The following MMAB variants were observed in gnomAD, a reference collection of about 807,000 sequenced individuals.
The protein encoded by MMAB is metabolism of cobalamin associated B.
In MMAB, 17 loss-of-function variants were observed where a neutral mutation model predicts 30.6. The ratio of observed to expected loss-of-function variants is 0.56; its 90% CI spans 0.38 to 0.83. The LOEUF (loss-of-function observed/expected upper bound fraction) is 0.83. MMAB is among the 40% of genes least tolerant of loss of function. The pLI is 0.00. For synonymous variants in MMAB, 134 were observed against 138.6 expected, an observed-to-expected ratio of 0.97 and a Z score of 0.23; for missense variants, 311 against 331.6, an observed-to-expected ratio of 0.94 and a Z score of 0.48.
intron 1 of MMAB, among the ~76,000 whole-genome samples, chr12:109,572,706 C>T (rs557215466): frequency 2.0e-5 from 3 of 152,266 alleles, no homozygotes; most frequent in Non-Finnish European, 4.4e-5. Context: ...TAACTCTATC[C>T]TACCCAAATT....
rs372445888 is a variant in MMAB at position 109,556,990 on chromosome 12, C to A, written c.*38G>T. On this transcript the variant is annotated 3_prime_UTR_variant, in exon 9 of 9. Transcript: ENST00000545712. Reference sequence around the variant, plus strand: ...CAAGCTCCTCTCTCCACGGCCATCGCCATGGAGGGATCCTCCAAGCTCCCA... The same window carrying A: ...CAAGCTCCTCTCTCCACGGCCATCGACATGGAGGGATCCTCCAAGCTCCCA... The A allele has an allele frequency of 2.4e-5, 34 of 1,404,292 alleles. No homozygotes were observed. In the African/African-American group the frequency reaches 3.4e-4, roughly 14 times the overall value. The allele number at this position is 1,404,292 out of a possible 1,614,324, so 87.0% of individuals were successfully genotyped here.
Position 109,553,839 on chromosome 12 carries a change from G to C in MMAB, c.*3189C>G. 4.4e-6 allele frequency: 2 copies of C among 453,788 alleles called. No homozygotes were observed. Among genetic ancestry groups the C allele is most frequent in the Non-Finnish European group, 4.4e-6 (1 of 226,472 alleles). The allele number at this position is 453,788 out of a possible 1,614,324, so 28.1% of individuals were successfully genotyped here. ...ACAGGGCGATCATAAAACTGAATGG[G>C]CTGTCGGAAGGTGTCGAGGCAGCAG... On this transcript the variant is annotated 3_prime_UTR_variant, in exon 9 of 9. Coordinates refer to ENST00000545712, the MANE Select transcript of MMAB (RefSeq NM_052845.4).
At chr12:109,568,127 A>G (rs113942245) in intron 3 of MMAB, 1,610 of 156,126 alleles carry the variant, frequency 0.01, 21 homozygotes, top group African/African-American at 0.032. Context: ...TGGCAGCGTC[A>G]GGAGCCAATG....
Position 109,554,574 on chromosome 12 carries a change from C to T in MMAB, c.*2454G>A, listed in dbSNP as rs1348407599. ...TGTTTGTTTCAAAACCCCGTGTTCC[C>T]GTGCAATGGGACTGATTGTTTCTGA... On this transcript the variant is annotated 3_prime_UTR_variant, in exon 9 of 9. Coordinates refer to ENST00000545712, the MANE Select transcript of MMAB (RefSeq NM_052845.4). The T allele has an allele frequency of 2.2e-5, 10 of 454,006 alleles. No individual in the cohort carries two copies. The highest frequency in any genetic ancestry group is 1.4e-4 in the East Asian group (2 of 14,412). The allele number at this position is 454,006 out of a possible 1,614,324, so 28.1% of individuals were successfully genotyped here. A position where few individuals can be genotyped will look rare whatever the true frequency, so the allele number is the denominator to read the frequency against.
In MMAB at chr12:109,571,673, T is replaced by C. The variant is rs1884631526; in HGVS notation, c.172A>G (p.Ile58Val). 1.2e-6 allele frequency: 2 copies of C among 1,614,054 alleles called. No individual in the cohort carries two copies. Among genetic ancestry groups the C allele is most frequent in the African/African-American group, 1.3e-5 (1 of 74,940 alleles). ...CCTTTGTCTCCCGTTTTGGTGTAAATCTTGGGGATCCTGGGTGTCTTCGAG... is the reference window on the plus strand; with the variant it reads ...CCTTTGTCTCCCGTTTTGGTGTAAACCTTGGGGATCCTGGGTGTCTTCGAG... ...PSSKTPRIPK[I>V]YTKTGDKGFS... Residue 58 changes from isoleucine to valine, a missense_variant, in exon 2 of 9, where the codon ATT becomes GTT. Coordinates refer to ENST00000545712, the MANE Select transcript of MMAB (RefSeq NM_052845.4).
In MMAB at chr12:109,556,048, T is replaced by A; in HGVS notation, c.*980A>T. ...TAGCAGCCTGCAGTCTTTAGGTTCT[T>A]GGGGCTGCCTCTTCTGCCCTTCATA... is the stretch of plus-strand genomic sequence containing the variant. On this transcript the variant is annotated 3_prime_UTR_variant, in exon 9 of 9. Transcript: ENST00000545712. 2.2e-6 allele frequency: 1 copy of A among 454,076 alleles called. No individual in the cohort carries two copies. Among genetic ancestry groups the A allele is most frequent in the Non-Finnish European group, 4.4e-6 (1 of 226,774 alleles). 28.1% of individuals were successfully genotyped at this position (454,076 alleles called of 1,614,324 possible).
At position 109,557,052 on chromosome 12, in the gene MMAB, T is replaced by C. The variant is rs750028609; in HGVS notation, c.729A>G (p.Pro243=). 8 of 1,612,304 alleles carry C rather than the reference T, an allele frequency of 5.0e-6. No homozygotes were observed. In the African/African-American group the frequency reaches 6.7e-5, roughly 13 times the overall value. ...TTCAGAGTCCCTCAGACTCGGCCGA[T>C]GGGTCATTTTTCATGTATATTTTCT... ...NQEKIYMKND[P]SAESEGL Residue 243 remains proline, a synonymous_variant, in exon 9 of 9, where the codon CCA becomes CCG. Coordinates refer to ENST00000545712, the MANE Select transcript of MMAB (RefSeq NM_052845.4).
chr12:109,557,721 A>T (rs1164373918), intron 8 of MMAB, among the ~76,000 whole-genome samples: 1 of 152,192 alleles, frequency 6.6e-6, no homozygotes, highest in Non-Finnish European at 1.5e-5. Flanking sequence ...GTCTCCACCC[A>T]CCAGGTGCCA....
Position 109,554,284 on chromosome 12 carries a change from A to G in MMAB, c.*2744T>C, listed in dbSNP as rs1457851921. On this transcript the variant is annotated 3_prime_UTR_variant, in exon 9 of 9. Coordinates refer to ENST00000545712, the MANE Select transcript of MMAB (RefSeq NM_052845.4). ...CACTGCACATAGCAAGCCCTTCCAC[A>G]GTGCGGGCTGGTGTCACTGTGACTG... is the stretch of plus-strand genomic sequence containing the variant. The G allele has an allele frequency of 6.6e-6, 3 of 454,074 alleles. No homozygotes were observed. In the Admixed American group the frequency reaches 7.0e-5, roughly 11 times the overall value. The allele number at this position is 454,074 out of a possible 1,614,324, so 28.1% of individuals were successfully genotyped here. A position where few individuals can be genotyped will look rare whatever the true frequency, so the allele number is the denominator to read the frequency against.
chr12:109,568,093 C>T (rs1884498376), intron 3 of MMAB: 1 of 153,498 alleles, frequency 6.5e-6, no homozygotes, highest in South Asian at 2.0e-4. Context: ...TCACTGGCGA[C>T]AACACTGACA....
Position 109,556,161 on chromosome 12 carries a change from G to T in MMAB, c.*867C>A, listed in dbSNP as rs1411562189. ...AGCAGTGACAACTGAAATAAATACA[G>T]CCGTGGCACCGATCTCAGAGGCATA... is the stretch of plus-strand genomic sequence containing the variant. On this transcript the variant is annotated 3_prime_UTR_variant, in exon 9 of 9. Coordinates refer to ENST00000545712, the MANE Select transcript of MMAB (RefSeq NM_052845.4). 2.2e-6 allele frequency: 1 copy of T among 453,704 alleles called. No individual in the cohort carries two copies. Among genetic ancestry groups the T allele is most frequent in the Non-Finnish European group, 4.4e-6 (1 of 226,442 alleles). 28.1% of individuals were successfully genotyped at this position (453,704 alleles called of 1,614,324 possible).
In MMAB at chr12:109,569,127, G is replaced by A. The variant is rs1302002309; in HGVS notation, c.197-264C>T. On this transcript the variant is annotated intron_variant, in intron 2 of 8. Coordinates refer to ENST00000545712, the MANE Select transcript of MMAB (RefSeq NM_052845.4). This position sits in a 1 kb window ranked among gnomAD's most constrained non-coding sequence, Gnocchi z 4.1. Reference sequence around the variant, plus strand: ...TGCCCGGCTAATTTTTGTATTTTTAGTAGAGACGGGTTTTCGCCCATGTTG... The same window carrying A: ...TGCCCGGCTAATTTTTGTATTTTTAATAGAGACGGGTTTTCGCCCATGTTG... 1.3e-5 allele frequency among the ~76,000 whole-genome samples: 2 copies of A among 151,980 alleles called. No homozygotes were observed. The highest frequency in any genetic ancestry group is 2.9e-5 in the Non-Finnish European group (2 of 67,994).
At position 109,573,458 on chromosome 12, in the gene MMAB, C is replaced by T; in HGVS notation, c.23G>A (p.Ser8Asn). 6.2e-7 allele frequency: 1 copy of T among 1,606,406 alleles called. No individual in the cohort carries two copies. The highest frequency in any genetic ancestry group is 8.5e-7 in the Non-Finnish European group (1 of 1,178,790). ...AAGACGGCTCCCCAGGCCAAGACGG[C>T]TCCCCAGGCCGCACACAGCCATGAG... MAVCGLG[S>N]RLGLGSRLGL... Residue 8 changes from serine to asparagine, a missense_variant, in exon 1 of 9, where the codon AGC (serine) becomes AAC (asparagine). Physicochemically the swap from Ser to Asn is conservative, Grantham distance 46. Coordinates refer to ENST00000545712, the MANE Select transcript of MMAB (RefSeq NM_052845.4).
At position 109,561,054 on chromosome 12, in the gene MMAB, G is replaced by A; in HGVS notation, c.570C>T (p.Arg190=). The A allele has an allele frequency of 6.3e-7, 1 of 1,589,956 alleles. No homozygotes were observed. Among genetic ancestry groups the A allele is most frequent in the Non-Finnish European group, 8.6e-7 (1 of 1,167,312 alleles). The change falls in exon 7 of 9, where the codon CGC becomes CGT. Residue 190 remains arginine, a synonymous_variant. Transcript: ENST00000545712. This position sits in a 1 kb window ranked among gnomAD's most constrained non-coding sequence, Gnocchi z 5.3. ...SALHFCRAVC[R]RAERRVVPLV... ...AGCCCTCTTACCGTCTCTCGGCCCG[G>A]CGGCACACGGCCCGGCAGAAATGCA...
chr12:109,564,386 T>TG (rs1884334510), intron 4 of MMAB, among the ~76,000 whole-genome samples: 1 of 150,870 alleles, frequency 6.6e-6, no homozygotes, highest in Admixed American at 6.6e-5. Flanking sequence ...GAGGTTTTTT[T>TG]TTTTTTTTTT....
In MMAB at chr12:109,573,204, A is replaced by C. The variant is rs560094739; in HGVS notation, c.134+143T>G. The stretch of plus-strand genomic sequence containing the variant: ...CTGGTCTCTGGCGCCCACGTGGCCC[A>C]CGTTGCCATGGTGACGTCAGAACAG... On this transcript the variant is annotated intron_variant, in intron 1 of 8. Transcript: ENST00000545712. 4 of 1,125,260 alleles carry C rather than the reference A, an allele frequency of 3.6e-6. No homozygotes were observed. In the East Asian group the frequency reaches 7.7e-5, roughly 22 times the overall value. The allele number at this position is 1,125,260 out of a possible 1,614,324, so 69.7% of individuals were successfully genotyped here. A position where few individuals can be genotyped will look rare whatever the true frequency, so the allele number is the denominator to read the frequency against.
At position 109,573,435 on chromosome 12, in the gene MMAB, G is replaced by A. The variant is rs1884742324; in HGVS notation, c.46C>T (p.Leu16Phe). ...LGSRLGLGSR[L>F]GLRGCFGAAR... Reference sequence around the variant, plus strand: ...GCGCCGAAGCACCCGCGCAGGCCAAGACGGCTCCCCAGGCCAAGACGGCTC... The same window carrying A: ...GCGCCGAAGCACCCGCGCAGGCCAAAACGGCTCCCCAGGCCAAGACGGCTC... The change falls in exon 1 of 9, where the codon CTT becomes TTT. Residue 16 changes from leucine to phenylalanine, a missense_variant. Leu to Phe is a conservative substitution (Grantham distance 22). Transcript: ENST00000545712. The A allele has an allele frequency of 6.2e-7, 1 of 1,607,390 alleles. No homozygotes were observed. Among genetic ancestry groups the A allele is most frequent in the East Asian group, 2.2e-5 (1 of 44,748 alleles).
At chr12:109,563,621 T>C (rs1884295389) in intron 4 of MMAB, among the ~76,000 whole-genome samples, 1 of 152,168 alleles carries the variant, frequency 6.6e-6, no homozygotes, top group Admixed American at 6.5e-5. Context: ...GGAAGGCCCT[T>C]GAGGAGGTGA....
At position 109,554,184 on chromosome 12, in the gene MMAB, C is replaced by T. The variant is rs749139309; in HGVS notation, c.*2844G>A. 1.8e-5 allele frequency: 8 copies of T among 453,170 alleles called. No homozygotes were observed. Among genetic ancestry groups the T allele is most frequent in the South Asian group, 7.8e-5 (5 of 64,472 alleles). The allele number at this position is 453,170 out of a possible 1,614,324, so 28.1% of individuals were successfully genotyped here. On this transcript the variant is annotated 3_prime_UTR_variant, in exon 9 of 9. Coordinates refer to ENST00000545712, the MANE Select transcript of MMAB (RefSeq NM_052845.4). ...ACTGACTCCCCAGGACAACTTGGTTCCCCACCCAATGCCTCCTTCCAGGGC... is the reference window on the plus strand; with the variant it reads ...ACTGACTCCCCAGGACAACTTGGTTTCCCACCCAATGCCTCCTTCCAGGGC...
Sources: allele counts gnomAD v4.1 joint callset (sites outside exome capture counted in the v4.1 genomes callset), GRCh38; gene constraint gnomAD v4.1.1; non-coding constraint Gnocchi (gnomAD v3.1); transcripts MANE v1.5; gene names NCBI Gene and HGNC (gene_info 2026-07-23, HGNC 2026-07-21).